Variants in ASTN2 observed in about 807,000 individuals in gnomAD.
The protein encoded by ASTN2 is astrotactin-2.
A neutral mutation model predicts 139.8 loss-of-function variants in ASTN2; 54 were observed. The ratio of observed to expected loss-of-function variants is 0.39; its 90% confidence interval spans 0.31 to 0.48. The LOEUF (loss-of-function observed/expected upper bound fraction) is 0.48, where lower values mean the gene tolerates loss of function less well. Ranked by LOEUF, ASTN2 falls within the 20% of genes least tolerant of loss-of-function variation. ASTN2 has a pLI of 0.95. For missense variants in ASTN2, 1,565 were observed against 1,725.1 expected, an observed-to-expected ratio of 0.91 and a Z score of 1.64; for synonymous variants, 756 against 719.5, an observed-to-expected ratio of 1.05 and a Z score of -0.81.
At chr9:116,591,409 C>G (rs1854374014) in intron 19 of ASTN2, among the ~76,000 whole-genome samples, 1 of 152,234 alleles carries the variant, frequency 6.6e-6, no homozygotes, top group Non-Finnish European at 1.5e-5. Context: ...CTCACACACC[C>G]CTCACCACTC....
chr9:117,208,891 G>T (rs1286841557), intron 3 of ASTN2, among the ~76,000 whole-genome samples: 2 of 151,802 alleles, frequency 1.3e-5, no homozygotes, highest in Non-Finnish European at 2.9e-5. Flanking sequence ...CTTCAGAAAT[G>T]AAGAAGAAAT....
chr9:116,640,656 G>A (rs1353220392), intron 17 of ASTN2, among the ~76,000 whole-genome samples: 1 of 152,228 alleles, frequency 6.6e-6, no homozygotes, highest in African/African-American at 2.4e-5. Flanking sequence ...TGAGTTTTAA[G>A]AAATTAGAAG....
chr9:117,319,574 C>T (rs1330390476), intron 1 of ASTN2, among the ~76,000 whole-genome samples: 1 of 150,396 alleles, frequency 6.6e-6, no homozygotes, highest in Non-Finnish European at 1.5e-5. Context: ...ATTACAGTCA[C>T]ATGCCATCAT....
At chr9:116,469,303 G>C (rs1356187665) in intron 20 of ASTN2, among the ~76,000 whole-genome samples, 2 of 151,254 alleles carry the variant, frequency 1.3e-5, no homozygotes, top group Non-Finnish European at 1.5e-5. Context: ...GCTCTCTCAA[G>C]TGGTTTTTTT....
At chr9:116,773,140 T>C (rs1829998762) in intron 13 of ASTN2, among the ~76,000 whole-genome samples, 1 of 151,694 alleles carries the variant, frequency 6.6e-6, no homozygotes, top group African/African-American at 2.4e-5. Flanking sequence ...AGCCATGTTC[T>C]TTTATCCTTG....
intron 19 of ASTN2, among the ~76,000 whole-genome samples, chr9:116,556,141 A>C (rs1461035335): frequency 1.3e-5 from 2 of 152,258 alleles, no homozygotes; most frequent in Non-Finnish European, 2.9e-5. Flanking sequence ...AAAGATAAAA[A>C]TATGAATAAA....
chr9:117,282,621 TTTGG>T (rs1834352635), intron 2 of ASTN2, among the ~76,000 whole-genome samples: 1 of 135,330 alleles, frequency 7.4e-6, no homozygotes, highest in African/African-American at 3.9e-5. Flanking sequence ...TGTGATGTGC[TTTGG>T]CCGATAGAAT....
intron 16 of ASTN2, among the ~76,000 whole-genome samples, chr9:116,702,067 G>C (rs1471637973): frequency 6.6e-6 from 1 of 152,038 alleles, no homozygotes; most frequent in South Asian, 2.1e-4. Context: ...TGCAAAACTT[G>C]TGAATCTACA....
intron 13 of ASTN2, among the ~76,000 whole-genome samples, chr9:116,768,062 C>T (rs1223316568): frequency 6.6e-6 from 1 of 152,174 alleles, no homozygotes; most frequent in South Asian, 2.1e-4. Context: ...TGTCTTCAAG[C>T]ACTTAGCAGT....
intron 16 of ASTN2, among the ~76,000 whole-genome samples, chr9:116,711,495 C>T (rs1272893486): frequency 6.6e-6 from 1 of 152,098 alleles, no homozygotes; most frequent in African/African-American, 2.4e-5. Context: ...AGCTACATAC[C>T]AAACTGTATT....
intron 6 of ASTN2, among the ~76,000 whole-genome samples, chr9:117,016,609 T>TATATAAC (rs1564385671): frequency 4.5e-4 from 7 of 15,562 alleles, no homozygotes; most frequent in African/African-American, 2.8e-3. Flanking sequence ...TATATCTATA[T>TATATAAC]CTATATCTAT....
chr9:116,451,796 G>A (rs1564286274), intron 20 of ASTN2, among the ~76,000 whole-genome samples: 1 of 150,140 alleles, frequency 6.7e-6, no homozygotes, highest in African/African-American at 2.5e-5. Context: ...GAGTGAATAA[G>A]ACAGTGGATT....
intron 19 of ASTN2, among the ~76,000 whole-genome samples, chr9:116,588,795 G>A (rs900629248): frequency 9.9e-5 from 15 of 152,044 alleles, no homozygotes; most frequent in African/African-American, 2.2e-4. Context: ...AAAATGGCTG[G>A]ATTATCCACT....
At chr9:116,614,187 G>A (rs1044736112) in intron 19 of ASTN2, among the ~76,000 whole-genome samples, 12 of 152,096 alleles carry the variant, frequency 7.9e-5, no homozygotes, top group Non-Finnish European at 1.3e-4. Context: ...ACCTCTTCAC[G>A]AAGAACTACA....
At chr9:117,014,323 A>G (rs1837617596) in intron 6 of ASTN2, among the ~76,000 whole-genome samples, 1 of 152,146 alleles carries the variant, frequency 6.6e-6, no homozygotes, top group South Asian at 2.1e-4. Context: ...TGGGTGATAG[A>G]ACTGCAAAAA....
chr9:117,006,690 G>A (rs759163786), intron 7 of ASTN2, among the ~76,000 whole-genome samples: 31 of 152,076 alleles, frequency 2.0e-4, no homozygotes, highest in Non-Finnish European at 4.1e-4. Context: ...CCTCAGAGTA[G>A]AATCTGAAGT....
chr9:116,732,950 C>T lies in ASTN2; in HGVS notation c.2521+449G>A, dbSNP rs1487892462. ...ATGGCACAGTGCCCACGTACAAAAA[C>T]GAGCTGTGTAACTCGAGTGCTTTCA... is the stretch of plus-strand genomic sequence containing the variant. On this transcript the variant is annotated intron_variant, in intron 14 of 22. Coordinates refer to ENST00000313400, the MANE Select transcript of ASTN2 (RefSeq NM_001365068.1). Among the ~76,000 whole-genome samples the T allele has an allele frequency of 5.3e-5, 8 of 152,290 alleles. No homozygotes were observed. In the East Asian group the frequency reaches 5.8e-4, roughly 11 times the overall value.
chr9:117,335,272 A>G (rs894446388), intron 1 of ASTN2, among the ~76,000 whole-genome samples: 3 of 152,212 alleles, frequency 2.0e-5, no homozygotes, highest in African/African-American at 7.2e-5. Flanking sequence ...GGAACATAGT[A>G]CACATGAATA....
chr9:117,367,114 C>G (rs1829865001), intron 1 of ASTN2, among the ~76,000 whole-genome samples: 1 of 152,132 alleles, frequency 6.6e-6, no homozygotes, highest in Non-Finnish European at 1.5e-5. Flanking sequence ...TAAGGACATT[C>G]TCACAGCAGA....
Sources: gnomAD v4.1 joint callset for allele counts (sites outside exome capture counted in the v4.1 genomes callset) on GRCh38, gnomAD v4.1.1 for gene constraint, MANE v1.5 for transcripts, NCBI Gene and HGNC (gene_info 2026-07-23, HGNC 2026-07-21) for gene names.